WDR70: variants seen among roughly 807,000 people sequenced by gnomAD.
The protein encoded by WDR70 is WD repeat-containing protein 70.
A neutral mutation model predicts 88.6 loss-of-function variants in WDR70; 53 were observed. The observed-to-expected ratio is 0.60, with a 90% CI of 0.48 to 0.75. The LOEUF (loss-of-function observed/expected upper bound fraction) is 0.75. WDR70 is among the 30% of genes least tolerant of loss of function. The pLI is 0.00. For missense variants in WDR70, 610 were observed against 823.2 expected (o/e 0.74, Z 3.17); for synonymous variants, 280 against 270.0 (o/e 1.04, Z -0.36).
intron 10 of WDR70, among the ~76,000 whole-genome samples, chr5:37,608,968 T>C (rs559527630): frequency 6.6e-6 from 1 of 152,344 alleles, no homozygotes; most frequent in East Asian, 1.9e-4. Flanking sequence ...GCCTAGTATA[T>C]AGCAGACCTT....
intron 5 of WDR70, among the ~76,000 whole-genome samples, chr5:37,412,602 G>A (rs967306536): frequency 6.6e-6 from 1 of 152,186 alleles, no homozygotes; most frequent in African/African-American, 2.4e-5. Flanking sequence ...AGGGCTGGAT[G>A]TAACAGCAGC....
At chr5:37,427,186 G>A (rs1035701930) in intron 5 of WDR70, among the ~76,000 whole-genome samples, 1 of 151,998 alleles carries the variant, frequency 6.6e-6, no homozygotes, top group Non-Finnish European at 1.5e-5. Flanking sequence ...TCAGGAGATC[G>A]AGACCATCTT....
intron 10 of WDR70, 73 bp from the exon 11 acceptor site, chr5:37,697,582 A>T: frequency 8.4e-7 from 1 of 1,191,940 alleles, no homozygotes; most frequent in Non-Finnish European, 1.2e-6. Context: ...ATAAAGTGAA[A>T]TGTTCTTGCC....
chr5:37,387,960 T>A (rs1748677867), intron 3 of WDR70, among the ~76,000 whole-genome samples: 1 of 152,112 alleles, frequency 6.6e-6, no homozygotes, highest in Non-Finnish European at 1.5e-5. Flanking sequence ...GTATGAGCTG[T>A]CTTGGTTGCT....
chr5:37,542,072 G>A (rs1741835580), intron 9 of WDR70, among the ~76,000 whole-genome samples: 1 of 151,818 alleles, frequency 6.6e-6, no homozygotes, highest in African/African-American at 2.4e-5. Flanking sequence ...GAGAGGAGAT[G>A]GACTTACTGA....
At chr5:37,396,250 T>C in intron 4 of WDR70, 125 bp from the exon 5 acceptor site, 1 of 1,319,882 alleles carries the variant, frequency 7.6e-7, no homozygotes, top group East Asian at 2.6e-5. Context: ...ACTACAAATT[T>C]AAAAAAATTA....
intron 7 of WDR70, among the ~76,000 whole-genome samples, chr5:37,463,325 C>T (rs1294990978): frequency 6.6e-6 from 1 of 151,824 alleles, no homozygotes; most frequent in African/African-American, 2.4e-5. Flanking sequence ...CTCATCATCA[C>T]GCAGCTAGTT....
At chr5:37,538,117 G>A (rs1741714187) in intron 9 of WDR70, among the ~76,000 whole-genome samples, 2 of 152,028 alleles carry the variant, frequency 1.3e-5, no homozygotes, top group East Asian at 1.9e-4. Flanking sequence ...TCACTCCCTT[G>A]GAAGACTTTA....
In WDR70 at chr5:37,396,444, A is replaced by G; in HGVS notation, c.366A>G (p.Leu122=). 1 of 1,613,924 alleles carries G rather than the reference A, an allele frequency of 6.2e-7. No individual in the cohort carries two copies. Among genetic ancestry groups the G allele is most frequent in the Non-Finnish European group, 8.5e-7 (1 of 1,179,998 alleles). ...ATGATGAGTTAATTGGCCCTCCTTTACCCCCTAAAATGGTAGGAAAACCAG... is the reference window on the plus strand; with the variant it reads ...ATGATGAGTTAATTGGCCCTCCTTTGCCCCCTAAAATGGTAGGAAAACCAG... ...SSDDELIGPP[L]PPKMVGKPVN... Residue 122 remains leucine, a synonymous_variant, in exon 5 of 18, where the codon TTA becomes TTG. Transcript: ENST00000265107.
At chr5:37,607,487 A>G (rs1234033457) in intron 10 of WDR70, among the ~76,000 whole-genome samples, 1 of 152,192 alleles carries the variant, frequency 6.6e-6, no homozygotes, top group African/African-American at 2.4e-5. Flanking sequence ...AACAAAACAT[A>G]TCTTTTTAGA....
At chr5:37,589,105 C>G (rs555070759) in intron 9 of WDR70, among the ~76,000 whole-genome samples, 1 of 151,772 alleles carries the variant, frequency 6.6e-6, no homozygotes, top group Admixed American at 6.6e-5. Flanking sequence ...ATTGTTCAGG[C>G]TGGTCTAGAA....
At chr5:37,485,168 G>A (rs1488675447) in intron 8 of WDR70, among the ~76,000 whole-genome samples, 2 of 152,068 alleles carry the variant, frequency 1.3e-5, no homozygotes, top group Non-Finnish European at 2.9e-5. Context: ...CCCATCTAGT[G>A]CCCTTTTGTA....
intron 3 of WDR70, among the ~76,000 whole-genome samples, chr5:37,389,869 G>A (rs953754042): frequency 6.6e-6 from 1 of 152,090 alleles, no homozygotes; most frequent in Admixed American, 6.6e-5. Context: ...TCTTCCTGGA[G>A]GGTTTTGTCT....
chr5:37,563,432 A>G (rs1221015099), intron 9 of WDR70, among the ~76,000 whole-genome samples: 1 of 48,268 alleles, frequency 2.1e-5, no homozygotes, highest in African/African-American at 7.0e-5. Context: ...CGGGGGGCTG[A>G]CCCCCCCACA....
intron 9 of WDR70, among the ~76,000 whole-genome samples, chr5:37,591,524 C>T (rs1278649883): frequency 1.3e-5 from 2 of 152,154 alleles, no homozygotes; most frequent in Non-Finnish European, 2.9e-5. Flanking sequence ...TTGAGATATT[C>T]CTGTCCTGTG....
chr5:37,500,688 G>A (rs1272646879), intron 8 of WDR70, among the ~76,000 whole-genome samples: 1 of 121,324 alleles, frequency 8.2e-6, no homozygotes, highest in Non-Finnish European at 1.7e-5. Flanking sequence ...GATTAGTGAT[G>A]TTGAGCATTT....
At chr5:37,461,113 A>G (rs953410005) in intron 7 of WDR70, among the ~76,000 whole-genome samples, 1 of 89,908 alleles carries the variant, frequency 1.1e-5, no homozygotes, top group Non-Finnish European at 2.8e-5. Context: ...CTCAAAAAAA[A>G]AAAAAAAAAA....
At chr5:37,394,531 T>C (rs995972521) in intron 4 of WDR70, among the ~76,000 whole-genome samples, 4 of 152,136 alleles carry the variant, frequency 2.6e-5, no homozygotes, top group African/African-American at 9.7e-5. Flanking sequence ...TTTGAAGGGA[T>C]AGATAACAGA....
intron 9 of WDR70, among the ~76,000 whole-genome samples, chr5:37,590,444 G>T (rs899558345): frequency 6.6e-6 from 1 of 152,166 alleles, no homozygotes; most frequent in Non-Finnish European, 1.5e-5. Context: ...GTTGTGTACA[G>T]TGGGTTCAAT....
Sources: allele counts gnomAD v4.1 joint callset (sites outside exome capture counted in the v4.1 genomes callset), GRCh38; gene constraint gnomAD v4.1.1; transcripts MANE v1.5; gene names NCBI Gene and HGNC (gene_info 2026-07-23, HGNC 2026-07-21).